The following ZBTB20 variants were observed in gnomAD, a reference collection of about 807,000 sequenced individuals.
The protein encoded by ZBTB20 is zinc finger and BTB domain-containing protein 20.
Under a neutral mutation model 56.9 loss-of-function variants are expected in ZBTB20, and 9 were observed. That is an observed-to-expected ratio of 0.16 (90% CI 0.10 to 0.28). The LOEUF (loss-of-function observed/expected upper bound fraction) is 0.28, where lower values mean the gene tolerates loss of function less well. ZBTB20 is among the 10% of genes least tolerant of loss of function. The probability of loss-of-function intolerance (pLI) is 1.00; values close to 1 mark genes in which losing one functional copy is unlikely to be tolerated. For synonymous variants in ZBTB20, 417 were observed against 420.7 expected (o/e 0.99, Z 0.11); for missense variants, 655 against 1,003.0 (o/e 0.65, Z 4.69).
chr3:114,652,215 C>T (rs1390060502), intron 6 of ZBTB20, among the ~76,000 whole-genome samples: 1 of 152,032 alleles, frequency 6.6e-6, no homozygotes, highest in Non-Finnish European at 1.5e-5. Context: ...CTCCCATAAA[C>T]AACCAGCATT....
rs932347195 is a variant in ZBTB20, at chr3:114,415,075, T to C, written c.-254-25970A>G. Among the ~76,000 whole-genome samples, 11 of 151,922 alleles carry C rather than the reference T, an allele frequency of 7.2e-5. No individual in the cohort carries two copies. The East Asian group carries it at 2.1e-3, about 30-fold the overall frequency. ...ATAGTGACCAAATAGTGACTCTCACTGGCTAATGAAAAATCAATGTGGTTT... is the reference window on the plus strand; with the variant it reads ...ATAGTGACCAAATAGTGACTCTCACCGGCTAATGAAAAATCAATGTGGTTT... On this transcript the variant is annotated intron_variant, in intron 7 of 11. Transcript: ENST00000675478.
chr3:114,790,889 T>C (rs913594510), intron 5 of ZBTB20, among the ~76,000 whole-genome samples: 2 of 152,090 alleles, frequency 1.3e-5, no homozygotes, highest in Non-Finnish European at 2.9e-5. Context: ...TCTTCATTGT[T>C]TCCAATGCAT....
At position 115,036,436 on chromosome 3, in the gene ZBTB20, A is replaced by T. The variant is rs186961272; in HGVS notation, c.-507+34783T>A. Among the ~76,000 whole-genome samples, 540 of 151,794 alleles carry T rather than the reference A, an allele frequency of 3.6e-3. 3 individuals carry two copies. Among genetic ancestry groups the T allele is most frequent in the African/African-American group, 0.012 (513 of 41,352 alleles). On this transcript the variant is annotated intron_variant, in intron 2 of 11. Coordinates refer to ENST00000675478, the MANE Select transcript of ZBTB20 (RefSeq NM_001348800.3). ...TGCATCAGCCTCCCGACTAGCTGGG[A>T]CTACAGTCTTGCTCTGTCACCAGGC...
chr3:114,756,836 G>C (rs1380133644), intron 5 of ZBTB20, among the ~76,000 whole-genome samples: 2 of 151,952 alleles, frequency 1.3e-5, no homozygotes, highest in Non-Finnish European at 2.9e-5. Context: ...GTCCTTATAC[G>C]ACCACTCTAG....
intron 6 of ZBTB20, among the ~76,000 whole-genome samples, chr3:114,668,072 T>C (rs2061159453): frequency 6.6e-6 from 1 of 152,094 alleles, no homozygotes; most frequent in African/African-American, 2.4e-5. Flanking sequence ...AATCCTTTCT[T>C]TCAGATTATT....
intron 7 of ZBTB20, among the ~76,000 whole-genome samples, chr3:114,392,900 G>A (rs1438706773): frequency 6.6e-6 from 1 of 152,186 alleles, no homozygotes; most frequent in African/African-American, 2.4e-5. Context: ...GTTTACCTAG[G>A]TGAGGAAAAC....
At chr3:114,789,203 T>A (rs1347831481) in intron 5 of ZBTB20, among the ~76,000 whole-genome samples, 7 of 152,182 alleles carry the variant, frequency 4.6e-5, no homozygotes, top group Admixed American at 4.6e-4. Flanking sequence ...GCTTAACATA[T>A]GTGTTTGTAT....
rs1560209963 is a variant in ZBTB20 at position 114,753,427 on chromosome 3, A to ACACACACACACG, written c.-343+47673_-343+47674insCGTGTGTGTGTG. Among the ~76,000 whole-genome samples, 5 of 143,632 alleles carry ACACACACACACG rather than the reference A, an allele frequency of 3.5e-5. 1 individual carries two copies. The highest frequency in any genetic ancestry group is 1.3e-4 in the African/African-American group (5 of 38,088). The allele number at this position is 143,632 out of a possible 152,430, so 94.2% of individuals were successfully genotyped here. A position where few individuals can be genotyped will look rare whatever the true frequency, so the allele number is the denominator to read the frequency against. On this transcript the variant is annotated intron_variant, in intron 5 of 11. Coordinates refer to ENST00000675478, the MANE Select transcript of ZBTB20 (RefSeq NM_001348800.3). ...TATACACACACGTATATATATATAT[A>ACACACACACACG]TATATACACACACACTTTTTTTTTT...
chr3:114,342,606 T>C (rs766343798), intron 11 of ZBTB20, among the ~76,000 whole-genome samples: 1 of 152,126 alleles, frequency 6.6e-6, no homozygotes, highest in Non-Finnish European at 1.5e-5. Flanking sequence ...GAGAATAATA[T>C]AGTAAGTACC....
At chr3:114,865,269 A>G (rs2075718241) in intron 4 of ZBTB20, among the ~76,000 whole-genome samples, 1 of 152,134 alleles carries the variant, frequency 6.6e-6, no homozygotes, top group African/African-American at 2.4e-5. Flanking sequence ...TTAAACAAAC[A>G]CATTTGTCTA....
intron 7 of ZBTB20, among the ~76,000 whole-genome samples, chr3:114,473,216 C>A (rs931043641): frequency 2.0e-5 from 3 of 152,206 alleles, no homozygotes; most frequent in Non-Finnish European, 4.4e-5. Flanking sequence ...TTCCGTCCTA[C>A]CCCTTCGGCA....
intron 7 of ZBTB20, among the ~76,000 whole-genome samples, chr3:114,447,219 C>A (rs1444981566): frequency 1.3e-5 from 2 of 152,202 alleles, no homozygotes; most frequent in Non-Finnish European, 2.9e-5. Context: ...TTGCCCTCCA[C>A]TGTGCTGTCA....
At chr3:115,073,063 C>T (rs1334592599) in intron 1 of ZBTB20, among the ~76,000 whole-genome samples, 1 of 152,134 alleles carries the variant, frequency 6.6e-6, no homozygotes, top group Non-Finnish European at 1.5e-5. Flanking sequence ...TTTTCTATAA[C>T]AGGAGTAACA....
At chr3:114,906,530 T>A (rs1176287433) in intron 3 of ZBTB20, among the ~76,000 whole-genome samples, 1 of 151,260 alleles carries the variant, frequency 6.6e-6, no homozygotes, top group Non-Finnish European at 1.5e-5. Flanking sequence ...AATATTCAGA[T>A]TAATCATATT....
chr3:114,611,114 A>G (rs6438213), intron 6 of ZBTB20, among the ~76,000 whole-genome samples: 52,579 of 151,936 alleles, frequency 0.35, 9,466 homozygotes, highest in Middle Eastern at 0.48. Flanking sequence ...AGCATATAAC[A>G]TGAGTCTGGG....
chr3:114,362,958 G>A (rs2082041281), intron 10 of ZBTB20, among the ~76,000 whole-genome samples: 1 of 152,070 alleles, frequency 6.6e-6, no homozygotes. Context: ...GTCAAGGATT[G>A]TTTAGAATAT....
intron 10 of ZBTB20, among the ~76,000 whole-genome samples, chr3:114,363,128 C>T (rs1560138279): frequency 6.6e-6 from 1 of 152,132 alleles, no homozygotes; most frequent in African/African-American, 2.4e-5. Context: ...TATATTAGTA[C>T]AGTTTAAAAA....
chr3:114,567,480 A>T (rs544189524), intron 6 of ZBTB20, among the ~76,000 whole-genome samples: 1 of 152,260 alleles, frequency 6.6e-6, no homozygotes, highest in African/African-American at 2.4e-5. Flanking sequence ...TTTTGGGGGA[A>T]GTTGAGATTA....
intron 7 of ZBTB20, among the ~76,000 whole-genome samples, chr3:114,432,695 C>T (rs2090208139): frequency 1.3e-5 from 2 of 152,110 alleles, no homozygotes; most frequent in Admixed American, 1.3e-4. Flanking sequence ...TGAGGAAGAA[C>T]CAAAGGAAAA....
Sources: gnomAD v4.1 joint callset for allele counts (sites outside exome capture counted in the v4.1 genomes callset) on GRCh38, gnomAD v4.1.1 for gene constraint, MANE v1.5 for transcripts, NCBI Gene and HGNC (gene_info 2026-07-23, HGNC 2026-07-21) for gene names.